The following NAALADL2 variants were observed in gnomAD, a reference collection of about 807,000 sequenced individuals.
NAALADL2 encodes the protein N-acetylated alpha-linked acidic dipeptidase like 2.
A neutral mutation model predicts 87.2 loss-of-function variants in NAALADL2; 76 were observed. The ratio of observed to expected loss-of-function variants is 0.87; its 90% CI spans 0.72 to 1.05. The LOEUF (loss-of-function observed/expected upper bound fraction) is 1.05. NAALADL2 is among the 50% of genes least tolerant of loss of function. NAALADL2 has a pLI of 0.00. For missense variants in NAALADL2, 1,089 were observed against 945.8 expected, an observed-to-expected ratio of 1.15 and a Z score of -1.99; for synonymous variants, 354 against 331.0, an observed-to-expected ratio of 1.07 and a Z score of -0.75.
rs538132896 is a variant in NAALADL2, at chr3:175,137,959, T to C, written c.545+40668T>C. On this transcript the variant is annotated intron_variant, in intron 2 of 13. Transcript: ENST00000454872. ...CAATTTTTAACTCTCCTGATAATAATAATGTCAAACACCATCTTCCAAAAG... is the reference window on the plus strand; with the variant it reads ...CAATTTTTAACTCTCCTGATAATAACAATGTCAAACACCATCTTCCAAAAG... Among the ~76,000 whole-genome samples, 3 of 152,234 alleles carry C rather than the reference T, an allele frequency of 2.0e-5. No individual in the cohort carries two copies. The East Asian group carries it at 5.8e-4, about 29-fold the overall frequency.
At chr3:174,715,109 G>A (rs111382167) in intron 2 of NAALADL2, among the ~76,000 whole-genome samples, 2,077 of 152,180 alleles carry the variant, frequency 0.014, 57 homozygotes, top group African/African-American at 0.049. Context: ...TAGTCAATCG[G>A]CTTTTATATA....
chr3:174,839,159 G>A (rs1332272238), intron 3 of NAALADL2, among the ~76,000 whole-genome samples: 4 of 152,012 alleles, frequency 2.6e-5, no homozygotes. Flanking sequence ...TACAACAAAG[G>A]GACAGCATAG....
chr3:175,289,186 A>G (rs973550004), intron 4 of NAALADL2, among the ~76,000 whole-genome samples: 3 of 152,162 alleles, frequency 2.0e-5, no homozygotes, highest in Non-Finnish European at 2.9e-5. Flanking sequence ...AGTATCAATT[A>G]CTATTTTAAA....
intron 1 of NAALADL2, among the ~76,000 whole-genome samples, chr3:175,083,227 C>T (rs1253845067): frequency 1.3e-5 from 2 of 152,186 alleles, no homozygotes; most frequent in African/African-American, 4.8e-5. Flanking sequence ...ACAACCTTCA[C>T]ATCTGACACA....
intron 1 of NAALADL2, among the ~76,000 whole-genome samples, chr3:175,000,264 G>A (rs1748052398): frequency 6.6e-6 from 1 of 152,170 alleles, no homozygotes; most frequent in Non-Finnish European, 1.5e-5. Flanking sequence ...TGTCAGTACA[G>A]TGTGCTACTG....
chr3:174,801,508 G>A (rs9826720), intron 3 of NAALADL2, among the ~76,000 whole-genome samples: 2,131 of 152,220 alleles, frequency 0.014, 63 homozygotes, highest in African/African-American at 0.05. Flanking sequence ...ATCTTTATCA[G>A]CAGTGTGAAA....
intron 3 of NAALADL2, among the ~76,000 whole-genome samples, chr3:174,801,838 G>A (rs911237428): frequency 2.6e-5 from 4 of 151,752 alleles, no homozygotes; most frequent in African/African-American, 9.7e-5. Flanking sequence ...TGTTTAATGA[G>A]TCTCTTATCA....
intron 1 of NAALADL2, among the ~76,000 whole-genome samples, chr3:175,018,494 A>G (rs1751149672): frequency 6.6e-6 from 1 of 152,112 alleles, no homozygotes; most frequent in Non-Finnish European, 1.5e-5. Context: ...GTTTTCAGAC[A>G]TAGTAAATAT....
At chr3:175,462,057 T>C (rs933932167) in intron 6 of NAALADL2, among the ~76,000 whole-genome samples, 1 of 152,132 alleles carries the variant, frequency 6.6e-6, no homozygotes, top group African/African-American at 2.4e-5. Flanking sequence ...TCAAAGCCCA[T>C]TGAATATACA....
chr3:175,531,250 C>T (rs968514421), intron 9 of NAALADL2, among the ~76,000 whole-genome samples: 10 of 151,924 alleles, frequency 6.6e-5, no homozygotes, highest in African/African-American at 2.2e-4. Flanking sequence ...CCTCCAAAAT[C>T]GAAATAGGCC....
At chr3:175,574,192 G>A (rs948524915) in intron 9 of NAALADL2, among the ~76,000 whole-genome samples, 3 of 152,146 alleles carry the variant, frequency 2.0e-5, no homozygotes, top group Non-Finnish European at 2.9e-5. Context: ...ATTAGCAAAA[G>A]ACATGGTGAT....
At chr3:175,061,569 G>A (rs979123559) in intron 1 of NAALADL2, among the ~76,000 whole-genome samples, 1 of 151,984 alleles carries the variant, frequency 6.6e-6, no homozygotes, top group Non-Finnish European at 1.5e-5. Context: ...GATGGGGAGG[G>A]AGAAAGTAAG....
chr3:174,490,711 G>T (rs1379002782), intron 1 of NAALADL2, among the ~76,000 whole-genome samples: 1 of 152,096 alleles, frequency 6.6e-6, no homozygotes, highest in Admixed American at 6.6e-5. Flanking sequence ...AAGTAGGGGT[G>T]ATTTCATTTC....
At chr3:174,763,804 T>C (rs1578833193) in intron 3 of NAALADL2, among the ~76,000 whole-genome samples, 2 of 143,650 alleles carry the variant, frequency 1.4e-5, no homozygotes, top group East Asian at 4.1e-4. Flanking sequence ...TCTTTTCTGG[T>C]TAGAAAACTA....
intron 5 of NAALADL2, among the ~76,000 whole-genome samples, chr3:175,333,888 AC>A (rs1466894456): frequency 1.3e-5 from 2 of 152,208 alleles, no homozygotes; most frequent in East Asian, 3.8e-4. Context: ...TACCCTAAAT[AC>A]CCTGACTGGA....
chr3:175,692,651 A>T, intron 11 of NAALADL2, among the ~76,000 whole-genome samples: 1 of 152,154 alleles, frequency 6.6e-6, no homozygotes, highest in East Asian at 1.9e-4. Context: ...GTGGAATTGT[A>T]CTGTGAAGTT....
chr3:174,732,700 G>T (rs550493301), intron 2 of NAALADL2, among the ~76,000 whole-genome samples: 6 of 152,188 alleles, frequency 3.9e-5, no homozygotes, highest in Admixed American at 2.0e-4. Context: ...ATTCAAAACA[G>T]GGAATTTTTA....
At chr3:175,750,857 AATTT>A in intron 12 of NAALADL2, among the ~76,000 whole-genome samples, 1 of 152,294 alleles carries the variant, frequency 6.6e-6, no homozygotes, top group East Asian at 1.9e-4. Context: ...TAAGATTAAA[AATTT>A]AATCTTCTAT....
At chr3:174,746,959 C>T (rs1217450408) in intron 3 of NAALADL2, among the ~76,000 whole-genome samples, 2 of 152,078 alleles carry the variant, frequency 1.3e-5, no homozygotes, top group African/African-American at 4.8e-5. Context: ...AATGTGAAAC[C>T]TAAAACTGTA....
Sources: allele counts gnomAD v4.1 joint callset (sites outside exome capture counted in the v4.1 genomes callset), GRCh38; gene constraint gnomAD v4.1.1; transcripts MANE v1.5; gene names NCBI Gene and HGNC (gene_info 2026-07-23, HGNC 2026-07-21).